Variants in TULP4 observed in about 807,000 individuals in gnomAD.
TULP4 encodes TUB like protein 4, also known as tubby-related protein 4.
TULP4 carries 16 observed loss-of-function variants against 129.0 expected under a neutral mutation model. That is an observed-to-expected ratio of 0.12 (90% CI 0.08 to 0.19). The LOEUF (loss-of-function observed/expected upper bound fraction) is 0.19, where lower values mean the gene tolerates loss of function less well. TULP4 is among the 10% of genes least tolerant of loss of function. TULP4 has a pLI of 1.00. For missense variants in TULP4, 1,842 were observed against 2,059.1 expected (o/e 0.89, Z 2.04); for synonymous variants, 998 against 854.0 (o/e 1.17, Z -2.94).
At position 158,304,293 on chromosome 6, in the gene TULP4, A is replaced by G. The variant is rs114658096; in HGVS notation, n.117-7758A>G. 5.5e-4 allele frequency among the ~76,000 whole-genome samples: 84 copies of G among 152,336 alleles called. 1 individual carries two copies. Among genetic ancestry groups the G allele is most frequent in the African/African-American group, 2.0e-3 (83 of 41,580 alleles). ...CTTATGTGTTTCATTACTGGCATCT[A>G]GAACCCTAGCAGGTCATTAATTCAA... On this transcript the variant is annotated intron_variant and non_coding_transcript_variant, in intron 1 of 1. Coordinates refer to the TULP4 transcript ENST00000432358.
intron 1 of TULP4, among the ~76,000 whole-genome samples, chr6:158,247,993 T>G (rs1778058247): frequency 6.6e-6 from 1 of 152,182 alleles, no homozygotes; most frequent in Non-Finnish European, 1.5e-5. Context: ...GGTTAGAATA[T>G]CAAGACCTAT....
chr6:158,469,538 G>A (rs1289123647), intron 6 of TULP4, among the ~76,000 whole-genome samples: 1 of 152,010 alleles, frequency 6.6e-6, no homozygotes, highest in Non-Finnish European at 1.5e-5. Context: ...GCCTTCCAAA[G>A]TGCTGGGATT....
At chr6:158,244,221 C>T (rs1191871464) in intron 1 of TULP4, among the ~76,000 whole-genome samples, 5 of 151,984 alleles carry the variant, frequency 3.3e-5, no homozygotes, top group African/African-American at 4.8e-5. Context: ...CCTTGCTTTA[C>T]GATATGATGA....
At chr6:158,352,145 A>G (rs777775226) in intron 1 of TULP4, among the ~76,000 whole-genome samples, 1 of 152,334 alleles carries the variant, frequency 6.6e-6, no homozygotes, top group South Asian at 2.1e-4. Flanking sequence ...AGTGGAATGA[A>G]TAGGATTAAA....
intron 2 of TULP4, among the ~76,000 whole-genome samples, chr6:158,423,133 GGGA>G (rs1218736137): frequency 0.012 from 1,827 of 150,608 alleles, 50 homozygotes; most frequent in African/African-American, 0.035. Flanking sequence ...GGGGGGGGGG[GGGA>G]AAGAAACCTT....
intron 1 of TULP4, among the ~76,000 whole-genome samples, chr6:158,317,825 T>A (rs900059034): frequency 6.6e-6 from 1 of 152,182 alleles, no homozygotes; most frequent in Non-Finnish European, 1.5e-5. Flanking sequence ...ACCTGTTGTT[T>A]CCTGACTTTT....
At chr6:158,440,007 G>A (rs145736159) in intron 3 of TULP4, among the ~76,000 whole-genome samples, 7 of 151,320 alleles carry the variant, frequency 4.6e-5, no homozygotes, top group East Asian at 2.0e-4. Context: ...CACCGTGTCC[G>A]GCCTAGAGTG....
chr6:158,376,432 G>A (rs180732572), intron 1 of TULP4, among the ~76,000 whole-genome samples: 13 of 152,272 alleles, frequency 8.5e-5, no homozygotes, highest in African/African-American at 3.1e-4. Context: ...CGCATCCCCG[G>A]CTCCAAAGGC....
rs145326446 is a variant in TULP4 at position 158,382,946 on chromosome 6, C to T, written c.253-30119C>T. ...ATAAATGCCATTAATCTTGGAAAGT[C>T]GAAAAGGAGATCCTGAGAGGCGAAT... On this transcript the variant is annotated intron_variant, in intron 1 of 13. Transcript: ENST00000367097. Among the ~76,000 whole-genome samples the T allele has an allele frequency of 3.7e-3, 560 of 152,156 alleles. 3 individuals are homozygous for T. The highest frequency in any genetic ancestry group is 0.013 in the African/African-American group (528 of 41,496).
chr6:158,306,818 G>A (rs564146705), intron 1 of TULP4, among the ~76,000 whole-genome samples: 4 of 152,246 alleles, frequency 2.6e-5, no homozygotes, highest in East Asian at 3.9e-4. Flanking sequence ...CTCGGAGTTC[G>A]AGACCAGCCT....
At chr6:158,348,875 G>A (rs868066122) in intron 1 of TULP4, among the ~76,000 whole-genome samples, 132 of 110,534 alleles carry the variant, frequency 1.2e-3, no homozygotes, top group Middle Eastern at 5.4e-3. Context: ...CAGATGGGGC[G>A]GCCGGGCAGA....
intron 1 of TULP4, among the ~76,000 whole-genome samples, chr6:158,389,174 G>T (rs1777529767): frequency 6.6e-6 from 1 of 152,228 alleles, no homozygotes; most frequent in Admixed American, 6.5e-5. Flanking sequence ...AAGGCACCAG[G>T]TATGGTGGCT....
intron 3 of TULP4, among the ~76,000 whole-genome samples, chr6:158,444,927 T>G (rs1053170574): frequency 1.3e-5 from 2 of 152,178 alleles, no homozygotes; most frequent in Admixed American, 6.5e-5. Flanking sequence ...TCCTCCCGCC[T>G]CAGCCTCCCC....
chr6:158,334,467 A>G (rs542918018), intron 1 of TULP4, among the ~76,000 whole-genome samples: 20 of 152,216 alleles, frequency 1.3e-4, no homozygotes, highest in Non-Finnish European at 2.5e-4. Flanking sequence ...TACATAAAAC[A>G]AAATACATGT....
chr6:158,321,934 A>G (rs1779647187), intron 1 of TULP4, among the ~76,000 whole-genome samples: 2 of 152,208 alleles, frequency 1.3e-5, no homozygotes, highest in Admixed American at 6.5e-5. Context: ...GATTGTAAGA[A>G]TGGTCTCCCT....
intron 1 of TULP4, among the ~76,000 whole-genome samples, chr6:158,326,817 T>C: frequency 6.6e-6 from 1 of 152,340 alleles, no homozygotes; most frequent in African/African-American, 2.4e-5. Flanking sequence ...TTTATAGTTG[T>C]CCCTTGACTA....
At position 158,237,322 on chromosome 6, in the gene TULP4, C is replaced by G. The variant is rs1777731169; in HGVS notation, n.68+5019C>G. 3.7e-6 allele frequency: 6 copies of G among 1,605,832 alleles called. No individual in the cohort carries two copies. In the South Asian group the frequency reaches 4.4e-5, roughly 12 times the overall value. On this transcript the variant is annotated intron_variant and non_coding_transcript_variant, in intron 1 of 1. Coordinates refer to the TULP4 transcript ENST00000620026. ...AGACTAGTTTAAAAACAGCCTTCAA[C>G]AAGAATATTCTCATCACCAGCCACC... is the stretch of plus-strand genomic sequence containing the variant.
chr6:158,500,961 G>C (rs1780432487), intron 12 of TULP4, among the ~76,000 whole-genome samples: 1 of 152,146 alleles, frequency 6.6e-6, no homozygotes. Context: ...TGGGGAGGCT[G>C]AGGCAGGAGA....
At chr6:158,238,206 G>A in intron 1 of TULP4, 2 of 827,038 alleles carry the variant, frequency 2.4e-6, no homozygotes, top group South Asian at 2.7e-5. Context: ...GCCATGGTCA[G>A]CTTAATTTCA....
Sources: allele counts gnomAD v4.1 joint callset (sites outside exome capture counted in the v4.1 genomes callset), GRCh38; gene constraint gnomAD v4.1.1; transcripts MANE v1.5; gene names NCBI Gene and HGNC (gene_info 2026-07-23, HGNC 2026-07-21).